Variants in PPM1G observed in about 807,000 individuals in gnomAD.
The protein encoded by PPM1G is protein phosphatase, Mg2+/Mn2+ dependent 1G.
A neutral mutation model predicts 59.4 loss-of-function variants in PPM1G; 12 were observed. The ratio of observed to expected loss-of-function variants is 0.20; its 90% confidence interval spans 0.13 to 0.33. The LOEUF (loss-of-function observed/expected upper bound fraction) is 0.33, where lower values mean the gene tolerates loss of function less well. Ranked by LOEUF, PPM1G falls within the 10% of genes least tolerant of loss-of-function variation. PPM1G has a pLI of 1.00. For missense variants in PPM1G, 392 were observed against 681.3 expected (o/e 0.58, Z 4.73); for synonymous variants, 245 against 251.9 (o/e 0.97, Z 0.26).
chr2:27,390,308 T>C (rs939694432), intron 1 of PPM1G, among the ~76,000 whole-genome samples: 20 of 152,172 alleles, frequency 1.3e-4, no homozygotes, highest in Admixed American at 1.1e-3. Flanking sequence ...GCGTGAGCCA[T>C]TGCAACTGGC....
chr2:27,388,268 G>A (rs886581415), intron 1 of PPM1G, among the ~76,000 whole-genome samples: 3 of 151,594 alleles, frequency 2.0e-5, no homozygotes, highest in African/African-American at 7.3e-5. Context: ...AATTAGCCAG[G>A]CGTGGTGGTG....
rs1475671988 is a variant in PPM1G at position 27,382,692 on chromosome 2, C to T, written c.1202-87G>A. ...AGGTCAAACCTTGCCATTCATTTCCCTTCTTTACAAAGTTCCATAATCTAG... is the reference window on the plus strand; with the variant it reads ...AGGTCAAACCTTGCCATTCATTTCCTTTCTTTACAAAGTTCCATAATCTAG... On this transcript the variant is annotated intron_variant, in intron 7 of 9. Coordinates refer to ENST00000344034, the MANE Select transcript of PPM1G (RefSeq NM_177983.3). The surrounding 1 kb of genome is among the most constrained non-coding windows in gnomAD (Gnocchi z 4.2). 7 of 1,524,984 alleles carry T rather than the reference C, an allele frequency of 4.6e-6. No homozygotes were observed. Among genetic ancestry groups the T allele is most frequent in the African/African-American group, 1.4e-5 (1 of 72,286 alleles). The allele number at this position is 1,524,984 out of a possible 1,614,324, so 94.5% of individuals were successfully genotyped here.
chr2:27,389,765 A>G (rs1572662673), intron 1 of PPM1G, among the ~76,000 whole-genome samples: 1 of 152,086 alleles, frequency 6.6e-6, no homozygotes, highest in Admixed American at 6.6e-5. Context: ...GGAGTTGGAG[A>G]CCAGCCTAGG....
chr2:27,393,268 T>C (rs2148422734), intron 1 of PPM1G: 7 of 1,593,390 alleles, frequency 4.4e-6, no homozygotes, highest in Non-Finnish European at 6.0e-6. Flanking sequence ...CACAGGTAAA[T>C]GGAGGAGGCG....
In PPM1G at chr2:27,383,636, T is replaced by C. The variant is rs745536878; in HGVS notation, c.967-36A>G. ...AGAAAAGGAGCATCATGGGGGCTTC[T>C]GAACATGCGTTCCTCACTGATGTGC... On this transcript the variant is annotated intron_variant, in intron 6 of 9. Transcript: ENST00000344034. This position sits in a 1 kb window ranked among gnomAD's most constrained non-coding sequence, Gnocchi z 5.0. 1.9e-6 allele frequency: 3 copies of C among 1,555,342 alleles called. No individual in the cohort carries two copies. In the Admixed American group the frequency reaches 5.6e-5, roughly 29 times the overall value.
chr2:27,407,093 G>A (rs1011633666), intron 1 of PPM1G, among the ~76,000 whole-genome samples: 3 of 151,482 alleles, frequency 2.0e-5, no homozygotes, highest in African/African-American at 7.3e-5. Flanking sequence ...AGCCTTCCAA[G>A]TAGCTATGAT....
rs1267646069 is a variant in PPM1G at position 27,381,790 on chromosome 2, G to A, written c.1450C>T (p.Leu484=). The stretch of plus-strand genomic sequence containing the variant: ...CCATCCCCAGAAGTGTCTGGTGCCA[G>A]GCACTGATCCAGCAGCTAAGAAAGG... ...SIVEELLDQC[L]APDTSGDGTG... is the part of the protein sequence containing the mutation. Residue 484 remains leucine, a synonymous_variant, in exon 10 of 10, where the codon CTG becomes TTG. Transcript: ENST00000344034. The A allele has an allele frequency of 6.2e-7, 1 of 1,612,858 alleles. No individual in the cohort carries two copies. Among genetic ancestry groups the A allele is most frequent in the Non-Finnish European group, 8.5e-7 (1 of 1,179,962 alleles).
intron 1 of PPM1G, among the ~76,000 whole-genome samples, chr2:27,405,738 G>T (rs1320271911): frequency 6.6e-6 from 1 of 151,770 alleles, no homozygotes; most frequent in African/African-American, 2.4e-5. Flanking sequence ...CTGGTTGCTG[G>T]GCATGGTGGC....
intron 1 of PPM1G, chr2:27,393,089 C>T: frequency 7.9e-7 from 1 of 1,264,336 alleles, no homozygotes; most frequent in Non-Finnish European, 1.1e-6. Flanking sequence ...ATCGCATTCT[C>T]CCCGCACAGT....
chr2:27,387,205 T>C, intron 1 of PPM1G, 47 bp from the exon 2 acceptor site: 1 of 1,503,324 alleles, frequency 6.7e-7, no homozygotes, highest in Non-Finnish European at 9.3e-7. Context: ...TCGAAGAATA[T>C]TCCTCAGGTC....
At chr2:27,407,071 T>G (rs1361048644) in intron 1 of PPM1G, among the ~76,000 whole-genome samples, 3 of 151,600 alleles carry the variant, frequency 2.0e-5, no homozygotes, top group African/African-American at 7.3e-5. Flanking sequence ...ATTCAAGCGA[T>G]TCTCCTGCCT....
chr2:27,388,408 CTAAA>C (rs747765635), intron 1 of PPM1G, among the ~76,000 whole-genome samples: 1 of 151,588 alleles, frequency 6.6e-6, no homozygotes, highest in Non-Finnish European at 1.5e-5. Flanking sequence ...GACTCCGTCT[CTAAA>C]TAAATAAATA....
At chr2:27,401,279 C>T (rs1027948477) in intron 1 of PPM1G, among the ~76,000 whole-genome samples, 1 of 152,056 alleles carries the variant, frequency 6.6e-6, no homozygotes, top group Non-Finnish European at 1.5e-5. Flanking sequence ...ATTTACTCTT[C>T]CAGGGGCCAA....
chr2:27,391,652 T>C (rs748876864), intron 1 of PPM1G, among the ~76,000 whole-genome samples: 4 of 152,194 alleles, frequency 2.6e-5, no homozygotes, highest in African/African-American at 9.7e-5. Flanking sequence ...TTGCTGCATG[T>C]CACTTTTCTT....
rs529119059 is a variant in PPM1G at position 27,382,735 on chromosome 2, T to C, written c.1202-130A>G. On this transcript the variant is annotated intron_variant, in intron 7 of 9. Coordinates refer to ENST00000344034, the MANE Select transcript of PPM1G (RefSeq NM_177983.3). The surrounding 1 kb of genome is among the most constrained non-coding windows in gnomAD (Gnocchi z 4.2). ...TAATCTAGTGGAATGGGGAACTGAG[T>C]CCTAAGTCCTAGTTTTTCTAGTTTC... 2 of 1,181,792 alleles carry C rather than the reference T, an allele frequency of 1.7e-6. No homozygotes were observed. Among genetic ancestry groups the C allele is most frequent in the Admixed American group, 4.5e-5 (2 of 44,098 alleles). 73.2% of individuals were successfully genotyped at this position (1,181,792 alleles called of 1,614,324 possible). A position where few individuals can be genotyped will look rare whatever the true frequency, so the allele number is the denominator to read the frequency against.
Position 27,385,547 on chromosome 2 carries a change from A to G in PPM1G, c.409+200T>C, listed in dbSNP as rs1683742425. The G allele has an allele frequency of 1.6e-6, 1 of 633,104 alleles. No homozygotes were observed. The highest frequency in any genetic ancestry group is 2.4e-5 in the South Asian group (1 of 42,512). The allele number at this position is 633,104 out of a possible 1,614,324, so 39.2% of individuals were successfully genotyped here. On this transcript the variant is annotated intron_variant, in intron 4 of 9. Transcript: ENST00000344034. This position sits in a 1 kb window ranked among gnomAD's most constrained non-coding sequence, Gnocchi z 4.1. Reference sequence around the variant, plus strand: ...AAGATAATGTATATACAATGCTTACAGCTCAGATGCCACTCAACGAAGATA... The same window carrying G: ...AAGATAATGTATATACAATGCTTACGGCTCAGATGCCACTCAACGAAGATA...
At chr2:27,402,012 C>G (rs1684190334) in intron 1 of PPM1G, among the ~76,000 whole-genome samples, 1 of 151,740 alleles carries the variant, frequency 6.6e-6, no homozygotes, top group South Asian at 2.1e-4. Context: ...CTCAATAAAG[C>G]TGATTAAAAA....
At chr2:27,399,950 C>CA (rs56786173) in intron 1 of PPM1G, among the ~76,000 whole-genome samples, 49,247 of 106,906 alleles carry the variant, frequency 0.46, 9,333 homozygotes, top group Admixed American at 0.52. Context: ...TTTATAATAG[C>CA]AAAAAAAAAA....
At chr2:27,403,739 T>A (rs893852072) in intron 1 of PPM1G, among the ~76,000 whole-genome samples, 22 of 151,384 alleles carry the variant, frequency 1.5e-4, no homozygotes, top group Non-Finnish European at 2.7e-4. Context: ...ATACAAAAAA[T>A]AAGCCAAGTG....
Sources: gnomAD v4.1 joint callset for allele counts (sites outside exome capture counted in the v4.1 genomes callset) on GRCh38, gnomAD v4.1.1 for gene constraint, Gnocchi (gnomAD v3.1) non-coding constraint, MANE v1.5 for transcripts, NCBI Gene and HGNC (gene_info 2026-07-23, HGNC 2026-07-21) for gene names.